The following AKAP19 variants were observed in gnomAD, a reference collection of about 807,000 sequenced individuals.
The protein encoded by AKAP19 is small A-kinase anchoring protein.
At chr2:189,988,012 C>T in the AKAP19 span, among the ~76,000 whole-genome samples, 42 of 149,454 alleles carry the variant, frequency 2.8e-4, no homozygotes, top group African/African-American at 9.1e-4. Context: ...GGGGTGGTGG[C>T]GGGGGGCAGT....
At chr2:190,118,756 A>G in the AKAP19 span, among the ~76,000 whole-genome samples, 1 of 152,216 alleles carries the variant, frequency 6.6e-6, no homozygotes, top group Non-Finnish European at 1.5e-5. Flanking sequence ...CCCACAGCCA[A>G]TATCATACTG....
the AKAP19 span, among the ~76,000 whole-genome samples, chr2:190,050,903 CG>C: frequency 1.8e-3 from 281 of 152,126 alleles, 1 homozygote; most frequent in Non-Finnish European, 3.4e-3. Flanking sequence ...CATTTGAGAA[CG>C]GGGGGATATG....
chr2:189,921,109 A>G, the AKAP19 span, among the ~76,000 whole-genome samples: 5 of 152,174 alleles, frequency 3.3e-5, no homozygotes, highest in Non-Finnish European at 7.3e-5. Context: ...AAAAAAGCAT[A>G]TGGTCAATTT....
chr2:189,989,402 C>T, the AKAP19 span, among the ~76,000 whole-genome samples: 1 of 150,968 alleles, frequency 6.6e-6, no homozygotes, highest in African/African-American at 2.4e-5. Flanking sequence ...CTAAATTCAT[C>T]AATTAAAACT....
chr2:190,071,806 A>C, the AKAP19 span, among the ~76,000 whole-genome samples: 3 of 152,180 alleles, frequency 2.0e-5, no homozygotes, highest in South Asian at 6.2e-4. Context: ...AAAATGATTA[A>C]GAAACTAGAA....
chr2:190,066,174 C>T, the AKAP19 span, among the ~76,000 whole-genome samples: 3 of 152,106 alleles, frequency 2.0e-5, no homozygotes. Context: ...TATGGTTCGT[C>T]TTTGTACTAG....
the AKAP19 span, among the ~76,000 whole-genome samples, chr2:189,985,606 A>T: frequency 6.6e-6 from 1 of 152,204 alleles, no homozygotes; most frequent in African/African-American, 2.4e-5. Context: ...AACCTTAGTC[A>T]TATATCCCAA....
the AKAP19 span, among the ~76,000 whole-genome samples, chr2:189,912,239 T>C: frequency 1.3e-5 from 2 of 152,074 alleles, no homozygotes; most frequent in Admixed American, 1.3e-4. Flanking sequence ...ATATGATAAA[T>C]ATTAATATAG....
chr2:190,029,188 G>A, the AKAP19 span, among the ~76,000 whole-genome samples: 1 of 152,002 alleles, frequency 6.6e-6, no homozygotes, highest in Non-Finnish European at 1.5e-5. Flanking sequence ...GAGTAGCTGG[G>A]ATTACAGGCA....
At chr2:190,145,442 T>G in the AKAP19 span, among the ~76,000 whole-genome samples, 1 of 152,238 alleles carries the variant, frequency 6.6e-6, no homozygotes, top group African/African-American at 2.4e-5. Flanking sequence ...TTTACAACTA[T>G]CATATTAGCA....
chr2:189,953,110 G>A, the AKAP19 span, among the ~76,000 whole-genome samples: 1 of 21,074 alleles, frequency 4.7e-5, no homozygotes, highest in Non-Finnish European at 1.0e-4. Flanking sequence ...TAACATCCCT[G>A]GCCAGATTTT....
At chr2:190,002,683 C>T in the AKAP19 span, among the ~76,000 whole-genome samples, 15 of 152,268 alleles carry the variant, frequency 9.9e-5, 1 homozygote, top group East Asian at 1.7e-3. Context: ...TTTCTTAAAA[C>T]GCCTAACTGC....
At chr2:190,144,026 T>TG in the AKAP19 span, among the ~76,000 whole-genome samples, 13,249 of 67,734 alleles carry the variant, frequency 0.2, 1,266 homozygotes, top group Middle Eastern at 0.38. Flanking sequence ...TGTGGTGGGG[T>TG]GGGGGGAGGG....
the AKAP19 span, among the ~76,000 whole-genome samples, chr2:190,108,743 G>A: frequency 6.7e-6 from 1 of 150,002 alleles, no homozygotes; most frequent in Non-Finnish European, 1.5e-5. Flanking sequence ...TGGAAAGGAA[G>A]TGATAGAGCT....
chr2:189,917,663 G>A, the AKAP19 span: 5 of 294,760 alleles, frequency 1.7e-5, no homozygotes, highest in South Asian at 1.8e-4. Flanking sequence ...TTTCTATTTC[G>A]GTATCATTAC....
the AKAP19 span, among the ~76,000 whole-genome samples, chr2:190,183,878 T>C: frequency 6.6e-6 from 1 of 151,938 alleles, no homozygotes; most frequent in Non-Finnish European, 1.5e-5. Context: ...GAAAATCATT[T>C]GCTTTTAAGG....
At chr2:190,011,807 A>G in the AKAP19 span, among the ~76,000 whole-genome samples, 1 of 152,172 alleles carries the variant, frequency 6.6e-6, no homozygotes, top group Non-Finnish European at 1.5e-5. Flanking sequence ...TTTTTATGCC[A>G]GTACCATGCT....
the AKAP19 span, among the ~76,000 whole-genome samples, chr2:189,920,045 G>T: frequency 3.7e-4 from 56 of 152,296 alleles, no homozygotes; most frequent in African/African-American, 1.3e-3. Context: ...TGCCAGATTT[G>T]CTGTGGCTTA....
At chr2:189,961,632 G>T in the AKAP19 span, among the ~76,000 whole-genome samples, 2 of 152,004 alleles carry the variant, frequency 1.3e-5, no homozygotes, top group African/African-American at 4.8e-5. Flanking sequence ...ATCAGACTCG[G>T]CTGGGCATGG....
Sources: allele counts gnomAD v4.1 joint callset (sites outside exome capture counted in the v4.1 genomes callset), GRCh38; gene constraint gnomAD v4.1.1; transcripts MANE v1.5; gene names NCBI Gene and HGNC (gene_info 2026-07-23, HGNC 2026-07-21).